The following NRXN1 variants were observed in gnomAD, a reference collection of about 807,000 sequenced individuals.
NRXN1 encodes neurexin 1.
Under a neutral mutation model 150.9 loss-of-function variants are expected in NRXN1, and 39 were observed. That is an observed-to-expected ratio of 0.26 (90% CI 0.20 to 0.34). The LOEUF (loss-of-function observed/expected upper bound fraction) is 0.34, where lower values mean the gene tolerates loss of function less well. Among genes scored for constraint, NRXN1 ranks in the 10% least tolerant of loss-of-function variants. The pLI is 1.00. For missense variants in NRXN1, 1,815 were observed against 1,949.9 expected (o/e 0.93, Z 1.30); for synonymous variants, 924 against 757.0 (o/e 1.22, Z -3.62).
At chr2:50,787,992 G>A (rs1333844942) in intron 5 of NRXN1, among the ~76,000 whole-genome samples, 1 of 151,990 alleles carries the variant, frequency 6.6e-6, no homozygotes, top group Non-Finnish European at 1.5e-5. Context: ...AGTCTGCAGA[G>A]ATAAATATCC....
intron 5 of NRXN1, among the ~76,000 whole-genome samples, chr2:50,781,150 G>C (rs1289841036): frequency 1.3e-5 from 2 of 152,160 alleles, no homozygotes; most frequent in Admixed American, 6.5e-5. Context: ...GAAATGCAAA[G>C]ACAGCCATTT....
chr2:50,959,923 CAA>C (rs1692877466), intron 2 of NRXN1, among the ~76,000 whole-genome samples: 1 of 151,964 alleles, frequency 6.6e-6, no homozygotes, highest in African/African-American at 2.4e-5. Context: ...TCCAAAATTG[CAA>C]AGTTATTTAT....
At chr2:50,700,398 G>A (rs1279622334) in intron 5 of NRXN1, among the ~76,000 whole-genome samples, 2 of 151,966 alleles carry the variant, frequency 1.3e-5, no homozygotes, top group Non-Finnish European at 2.9e-5. Context: ...CAATTTTTCT[G>A]GACAAGATAT....
At chr2:50,531,751 G>C (rs985760024) in intron 10 of NRXN1, among the ~76,000 whole-genome samples, 2 of 152,106 alleles carry the variant, frequency 1.3e-5, no homozygotes, top group African/African-American at 4.8e-5. Context: ...CCCTTCTCAA[G>C]AGCAAAGATC....
At chr2:50,601,311 C>A (rs920225938) in intron 8 of NRXN1, among the ~76,000 whole-genome samples, 1 of 152,132 alleles carries the variant, frequency 6.6e-6, no homozygotes, top group African/African-American at 2.4e-5. Context: ...AGACTGAAGG[C>A]AGTCTCCAAA....
intron 5 of NRXN1, among the ~76,000 whole-genome samples, chr2:50,890,473 T>A (rs1165525798): frequency 2.6e-5 from 4 of 151,800 alleles, no homozygotes; most frequent in African/African-American, 9.7e-5. Flanking sequence ...AGTGAAAATT[T>A]ATTTCAAAGT....
chr2:50,657,079 C>G (rs763441044), intron 5 of NRXN1, among the ~76,000 whole-genome samples: 2 of 152,028 alleles, frequency 1.3e-5, no homozygotes, highest in Non-Finnish European at 2.9e-5. Flanking sequence ...TTTCTCGTCT[C>G]TCTCAGAGTA....
intron 2 of NRXN1, among the ~76,000 whole-genome samples, chr2:50,971,337 C>A (rs1694958651): frequency 6.6e-6 from 1 of 152,102 alleles, no homozygotes; most frequent in Non-Finnish European, 1.5e-5. Context: ...GTAATCCCAG[C>A]ACTTTGGGAG....
chr2:50,121,983 C>G (rs1345460467), intron 18 of NRXN1, among the ~76,000 whole-genome samples: 5 of 152,170 alleles, frequency 3.3e-5, no homozygotes, highest in Non-Finnish European at 2.9e-5. Context: ...AGAATCTCCT[C>G]ATGTACAAAA....
intron 19 of NRXN1, among the ~76,000 whole-genome samples, chr2:50,089,379 A>G (rs1408569674): frequency 6.6e-6 from 1 of 152,232 alleles, no homozygotes; most frequent in Non-Finnish European, 1.5e-5. Context: ...TTTTCATGGC[A>G]TCCAGTGTGA....
Position 50,891,221 on chromosome 2 carries a change from G to A in NRXN1, c.832+30648C>T, listed in dbSNP as rs137919777. Among the ~76,000 whole-genome samples the A allele has an allele frequency of 4.1e-3, 620 of 152,108 alleles. 3 individuals are homozygous for A. The highest frequency in any genetic ancestry group is 0.014 in the African/African-American group (581 of 41,554). On this transcript the variant is annotated intron_variant, in intron 5 of 22. Transcript: ENST00000401669. ...TGAAGAAGTAGGCCAAGTGAACCAT[G>A]ATATGATGACATGGAGAAAAGAATA... is the stretch of plus-strand genomic sequence containing the variant.
chr2:50,404,163 T>G (rs1033466101), intron 17 of NRXN1, among the ~76,000 whole-genome samples: 8 of 145,408 alleles, frequency 5.5e-5, no homozygotes, highest in African/African-American at 2.1e-4. Context: ...AGTTTTTTTT[T>G]GTTTGTTTTG....
intron 5 of NRXN1, among the ~76,000 whole-genome samples, chr2:50,657,514 C>G (rs753403271): frequency 4.0e-5 from 6 of 151,876 alleles, no homozygotes; most frequent in Non-Finnish European, 7.4e-5. Context: ...GTTTGGTATA[C>G]CCAGGGCCCA....
chr2:50,737,715 G>A (rs1003544020), intron 5 of NRXN1, among the ~76,000 whole-genome samples: 1 of 151,962 alleles, frequency 6.6e-6, no homozygotes, highest in Non-Finnish European at 1.5e-5. Flanking sequence ...ATATACCAGG[G>A]TAAAACTTTG....
intron 17 of NRXN1, among the ~76,000 whole-genome samples, chr2:50,351,500 G>A (rs1444846253): frequency 1.3e-5 from 2 of 152,148 alleles, no homozygotes; most frequent in Non-Finnish European, 2.9e-5. Flanking sequence ...AAGTTAGGAG[G>A]AAGTTAATCC....
chr2:50,887,441 C>T (rs2103779711), intron 5 of NRXN1, among the ~76,000 whole-genome samples: 1 of 151,496 alleles, frequency 6.6e-6, no homozygotes, highest in Middle Eastern at 3.4e-3. Context: ...AAGTATTTTC[C>T]TGCTCTAAAA....
intron 17 of NRXN1, among the ~76,000 whole-genome samples, chr2:50,377,292 C>T (rs1182424527): frequency 6.6e-6 from 1 of 152,104 alleles, no homozygotes; most frequent in African/African-American, 2.4e-5. Context: ...ATTCTCCTCC[C>T]TGTGGCCATG....
At chr2:50,212,334 A>G (rs905185693) in intron 18 of NRXN1, among the ~76,000 whole-genome samples, 19 of 151,284 alleles carry the variant, frequency 1.3e-4, no homozygotes, top group Non-Finnish European at 2.1e-4. Flanking sequence ...CCTAGAAAAG[A>G]TATCAACACT....
intron 5 of NRXN1, among the ~76,000 whole-genome samples, chr2:50,660,591 T>A (rs1687152906): frequency 6.6e-6 from 1 of 152,004 alleles, no homozygotes; most frequent in Non-Finnish European, 1.5e-5. Flanking sequence ...GAAGAGACCT[T>A]GTTCAAGGGT....
Sources: gnomAD v4.1 joint callset for allele counts (sites outside exome capture counted in the v4.1 genomes callset) on GRCh38, gnomAD v4.1.1 for gene constraint, MANE v1.5 for transcripts, NCBI Gene and HGNC (gene_info 2026-07-23, HGNC 2026-07-21) for gene names.